The following BARD1 variants were observed in gnomAD, a reference collection of about 807,000 sequenced individuals.
The protein encoded by BARD1 is BRCA1 associated RING domain 1.
In BARD1, 73 loss-of-function variants were observed where a neutral mutation model predicts 77.0. The observed-to-expected ratio is 0.95, with a 90% CI of 0.79 to 1.15. The LOEUF (loss-of-function observed/expected upper bound fraction) is 1.15. BARD1 is among the 50% of genes most tolerant of loss of function. The pLI, the probability that BARD1 is intolerant of heterozygous loss-of-function variation, is 0.00. For synonymous variants in BARD1, 384 were observed against 338.0 expected, an observed-to-expected ratio of 1.14 and a Z score of -1.49; for missense variants, 993 against 938.8, an observed-to-expected ratio of 1.06 and a Z score of -0.75.
At chr2:214,768,839 G>C (rs1694338730) in intron 5 of BARD1, among the ~76,000 whole-genome samples, 1 of 152,206 alleles carries the variant, frequency 6.6e-6, no homozygotes, top group Admixed American at 6.5e-5. Flanking sequence ...TAGACCCTCA[G>C]TGAGAATTAC....
chr2:214,733,787 T>G (rs1036229328), intron 9 of BARD1, among the ~76,000 whole-genome samples: 1 of 152,154 alleles, frequency 6.6e-6, no homozygotes, highest in Non-Finnish European at 1.5e-5. Flanking sequence ...TTAAAGATAT[T>G]AAGGATGCCA....
chr2:214,745,740 T>C lies in BARD1; in HGVS notation c.1792A>G (p.Thr598Ala), dbSNP rs752628149. 3.1e-6 allele frequency: 5 copies of C among 1,613,946 alleles called. No individual in the cohort carries two copies. The highest frequency in any genetic ancestry group is 4.2e-6 in the Non-Finnish European group (5 of 1,179,974). Reference sequence around the variant, plus strand: ...TCCTCACCTGTACTGTCAAACTCAGTATATTTTTTAGCCTTAAGAATTACT... The same window carrying C: ...TCCTCACCTGTACTGTCAAACTCAGCATATTTTTTAGCCTTAAGAATTACT... ...LAVILKAKKY[T>A]EFDSTVTHVV... Residue 598 changes from threonine (T) to alanine (A), a missense_variant, in exon 8 of 11, where the codon ACT (threonine) becomes GCT (alanine). Physicochemically the swap from Thr to Ala is moderately conservative, Grantham distance 58 (BLOSUM62 0). Coordinates refer to ENST00000260947, the MANE Select transcript of BARD1 (RefSeq NM_000465.4).
intron 6 of BARD1, among the ~76,000 whole-genome samples, chr2:214,756,637 A>G (rs1482391067): frequency 6.6e-6 from 1 of 152,240 alleles, no homozygotes; most frequent in Non-Finnish European, 1.5e-5. Flanking sequence ...ACAATAGAAT[A>G]CCACTCAGCC....
In BARD1 at chr2:214,781,463, T is replaced by G. The variant is rs1490830957; in HGVS notation, c.411A>C (p.Gly137=). 6.2e-7 allele frequency: 1 copy of G among 1,612,690 alleles called. No individual in the cohort carries two copies. The highest frequency in any genetic ancestry group is 8.5e-7 in the Non-Finnish European group (1 of 1,179,728). Residue 137 remains glycine (G), a synonymous_variant, in exon 4 of 11, where the codon GGA becomes GGC. Transcript: ENST00000260947. ...KPRKSLFNDA[G]NKKNSIKMWF... is the part of the protein sequence containing the mutation. Reference sequence around the variant, plus strand: ...ACATTTTAATTGAATTCTTCTTGTTTCCTGCATCATTAAACAAACTTTTCC... The same window carrying G: ...ACATTTTAATTGAATTCTTCTTGTTGCCTGCATCATTAAACAAACTTTTCC...
At chr2:214,787,780 G>A (rs1056975056) in intron 3 of BARD1, among the ~76,000 whole-genome samples, 1 of 151,890 alleles carries the variant, frequency 6.6e-6, no homozygotes. Flanking sequence ...GAAAAAAGAG[G>A]CAATTAGAAA....
intron 7 of BARD1, among the ~76,000 whole-genome samples, chr2:214,750,030 T>C (rs780916035): frequency 6.6e-6 from 1 of 152,132 alleles, no homozygotes; most frequent in Non-Finnish European, 1.5e-5. Flanking sequence ...GTAGCTACCT[T>C]AGGCTACCTC....
chr2:214,752,965 A>G (rs1173462110), intron 6 of BARD1, among the ~76,000 whole-genome samples: 1 of 152,204 alleles, frequency 6.6e-6, no homozygotes, highest in Non-Finnish European at 1.5e-5. Context: ...ATTTTGTTCT[A>G]CTAGAAGGAA....
chr2:214,788,578 T>C (rs1009706391), intron 3 of BARD1, among the ~76,000 whole-genome samples: 6 of 152,070 alleles, frequency 3.9e-5, no homozygotes, highest in Admixed American at 2.6e-4. Context: ...ACAAGGTTCA[T>C]TTGAAAGATA....
chr2:214,756,487 C>T (rs1226308860), intron 6 of BARD1, among the ~76,000 whole-genome samples: 1 of 152,068 alleles, frequency 6.6e-6, no homozygotes, highest in Non-Finnish European at 1.5e-5. Context: ...GGTGTCTACC[C>T]AGAGGAAAAG....
rs876660006 is a variant in BARD1, at chr2:214,769,305, A to G, written c.1322T>C (p.Ile441Thr). ...TTGTAAAAGGTATTCAACAGAAGGTATGTCGCCCTAGAAAAATGAACAAAA... is the reference window on the plus strand; with the variant it reads ...TTGTAAAAGGTATTCAACAGAAGGTGTGTCGCCCTAGAAAAATGAACAAAA... ...LLHIASIKGD[I>T]PSVEYLLQNG... Residue 441 changes from isoleucine (I) to threonine (T), a missense_variant, in exon 5 of 11, where the codon ATA becomes ACA. Physicochemically the swap from Ile to Thr is moderately conservative, Grantham distance 89 (BLOSUM62 -1). Transcript: ENST00000260947. 3.1e-6 allele frequency: 5 copies of G among 1,612,598 alleles called. No homozygotes were observed. In the South Asian group the frequency reaches 3.3e-5, roughly 11 times the overall value.
At chr2:214,775,968 A>T (rs774130324) in intron 4 of BARD1, among the ~76,000 whole-genome samples, 1 of 152,236 alleles carries the variant, frequency 6.6e-6, no homozygotes, top group Non-Finnish European at 1.5e-5. Context: ...AGTATAATAA[A>T]CTACAAAGTT....
chr2:214,796,151 T>C (rs1480995647), intron 2 of BARD1, among the ~76,000 whole-genome samples: 3 of 152,188 alleles, frequency 2.0e-5, no homozygotes, highest in Non-Finnish European at 4.4e-5. Flanking sequence ...TCATAGGCAA[T>C]TAAACTAAGA....
chr2:214,801,817 C>G lies in BARD1; in HGVS notation c.159-4700G>C, dbSNP rs568491224. Among the ~76,000 whole-genome samples the G allele has an allele frequency of 6.1e-5, 8 of 130,632 alleles. No individual in the cohort carries two copies. In the East Asian group the frequency reaches 1.9e-3, roughly 31 times the overall value. 85.7% of individuals were successfully genotyped at this position (130,632 alleles called of 152,430 possible). A position where few individuals can be genotyped will look rare whatever the true frequency, so the allele number is the denominator to read the frequency against. Reference sequence around the variant, plus strand: ...AAGAAGAGAGCATCTAGTTGGGGTTCTGGGATTCAATGTTGAAAACCAAAT... The same window carrying G: ...AAGAAGAGAGCATCTAGTTGGGGTTGTGGGATTCAATGTTGAAAACCAAAT... On this transcript the variant is annotated intron_variant, in intron 1 of 10. Transcript: ENST00000260947.
intron 9 of BARD1, among the ~76,000 whole-genome samples, chr2:214,740,348 T>C (rs1243202935): frequency 2.6e-5 from 4 of 152,022 alleles, no homozygotes; most frequent in African/African-American, 9.7e-5. Context: ...AATTAATCGT[T>C]AGAAAAGTGA....
intron 1 of BARD1, among the ~76,000 whole-genome samples, chr2:214,799,100 G>C (rs1224947447): frequency 6.6e-6 from 1 of 152,102 alleles, no homozygotes; most frequent in Non-Finnish European, 1.5e-5. Context: ...CTGGGTGACA[G>C]AGCGAGACCC....
chr2:214,748,953 C>A (rs1312978565), intron 7 of BARD1, among the ~76,000 whole-genome samples: 2 of 152,108 alleles, frequency 1.3e-5, no homozygotes, highest in Non-Finnish European at 2.9e-5. Context: ...CCAGCCCCTG[C>A]CCTCACACAG....
At chr2:214,782,231 C>T (rs922404074) in intron 3 of BARD1, among the ~76,000 whole-genome samples, 30 of 152,200 alleles carry the variant, frequency 2.0e-4, no homozygotes, top group African/African-American at 7.2e-4. Flanking sequence ...ACTACATATT[C>T]AAACATAATC....
rs1208279352 is a variant in BARD1, at chr2:214,728,142, T to C, written c.*534A>G. 4.4e-6 allele frequency: 1 copy of C among 229,248 alleles called. No individual in the cohort carries two copies. The highest frequency in any genetic ancestry group is 8.6e-6 in the Non-Finnish European group (1 of 115,744). The allele number at this position is 229,248 out of a possible 1,614,324, so 14.2% of individuals were successfully genotyped here. The stretch of plus-strand genomic sequence containing the variant: ...TGTAGAAACACACAACAAAGTAAAT[T>C]ATTAAGAAAAGAAATGAACACAATA... On this transcript the variant is annotated 3_prime_UTR_variant, in exon 11 of 11. Transcript: ENST00000260947.
chr2:214,726,145 C>A lies in BARD1; in HGVS notation c.*2531G>T. 1 of 216,150 alleles carries A rather than the reference C, an allele frequency of 4.6e-6. No homozygotes were observed. The highest frequency in any genetic ancestry group is 6.9e-5 in the East Asian group (1 of 14,588). The allele number at this position is 216,150 out of a possible 1,614,324, so 13.4% of individuals were successfully genotyped here. On this transcript the variant is annotated 3_prime_UTR_variant, in exon 11 of 11. Transcript: ENST00000260947. Reference sequence around the variant, plus strand: ...GGTGAAGTCAGTGAAAACCTTCACACATTGCTCATTTACCCTTATTTCAAT... The same window carrying A: ...GGTGAAGTCAGTGAAAACCTTCACAAATTGCTCATTTACCCTTATTTCAAT...
Sources: allele counts gnomAD v4.1 joint callset (sites outside exome capture counted in the v4.1 genomes callset), GRCh38; gene constraint gnomAD v4.1.1; transcripts MANE v1.5; gene names NCBI Gene and HGNC (gene_info 2026-07-23, HGNC 2026-07-21).